ZBTB40: variants seen among roughly 807,000 people sequenced by gnomAD.
ZBTB40 encodes the protein zinc finger and BTB domain containing 40.
A neutral mutation model predicts 117.5 loss-of-function variants in ZBTB40; 60 were observed. The ratio of observed to expected loss-of-function variants is 0.51; its 90% CI spans 0.41 to 0.63. ZBTB40 has a LOEUF of 0.63. Ranked by LOEUF, ZBTB40 falls within the 30% of genes least tolerant of loss-of-function variation. The pLI, the probability that ZBTB40 is intolerant of heterozygous loss-of-function variation, is 0.00. For synonymous variants in ZBTB40, 525 were observed against 577.1 expected, an observed-to-expected ratio of 0.91 and a Z score of 1.29; for missense variants, 1,287 against 1,498.5, an observed-to-expected ratio of 0.86 and a Z score of 2.33.
At chr1:22,501,360 A>C in intron 3 of ZBTB40, 132 bp from the exon 4 acceptor site, 1 of 925,326 alleles carries the variant, frequency 1.1e-6, no homozygotes, top group South Asian at 1.4e-5. Flanking sequence ...TGGGGAAGAA[A>C]GTGCAGTGGG....
chr1:22,511,609 T>TA, intron 10 of ZBTB40, 67 bp from the exon 11 acceptor site: 1 of 1,547,042 alleles, frequency 6.5e-7, no homozygotes, highest in East Asian at 2.3e-5. Flanking sequence ...AGAAGTGTGT[T>TA]AGAAACGTTA....
rs138187108 is a variant in ZBTB40, at chr1:22,491,494, A to G, written c.792A>G (p.Lys264=). The G allele has an allele frequency of 7.7e-5, 125 of 1,613,970 alleles. No homozygotes were observed. Among genetic ancestry groups the G allele is most frequent in the Non-Finnish European group, 1.0e-4 (118 of 1,179,986 alleles). The change falls in exon 3 of 18, where the codon AAA becomes AAG. Residue 264 remains lysine, a synonymous_variant. Transcript: ENST00000375647. The part of the protein sequence containing the change: ...ALMVTQDVLK[K]LEMCSEIKGP... ...TGGTTACCCAGGATGTTTTAAAAAA[A>G]CTAGAAATGTGTTCAGAAATTAAAG...
At chr1:22,522,267 A>G (rs542671632) in intron 15 of ZBTB40, 110 bp from the exon 16 acceptor site, 1 of 985,556 alleles carries the variant, frequency 1.0e-6, no homozygotes, top group African/African-American at 1.6e-5. Flanking sequence ...CACTTGGTAG[A>G]TGCTTGCTAA....
chr1:22,501,736 G>A (rs764702323), intron 4 of ZBTB40, 52 bp downstream of exon 4: 36 of 1,577,066 alleles, frequency 2.3e-5, no homozygotes, highest in Non-Finnish European at 3.1e-5. Context: ...TTGGGATGAT[G>A]CTATGAAGTT....
intron 13 of ZBTB40, among the ~76,000 whole-genome samples, chr1:22,518,044 A>G (rs1639422452): frequency 6.6e-6 from 1 of 152,226 alleles, no homozygotes; most frequent in Admixed American, 6.5e-5. Flanking sequence ...GCACACACAC[A>G]TATATATACA....
chr1:22,445,938 G>A (rs1640784342), intron 1 of ZBTB40, among the ~76,000 whole-genome samples: 1 of 151,732 alleles, frequency 6.6e-6, no homozygotes, highest in Non-Finnish European at 1.5e-5. Context: ...ATCAGAACCA[G>A]CCCCACTGGG....
intron 1 of ZBTB40, among the ~76,000 whole-genome samples, chr1:22,436,368 C>T (rs1056830008): frequency 3.3e-5 from 5 of 151,924 alleles, no homozygotes; most frequent in South Asian, 4.2e-4. Context: ...AAAAATTAGC[C>T]GGGTGTGGTG....
intron 1 of ZBTB40, among the ~76,000 whole-genome samples, chr1:22,472,596 T>C (rs181145152): frequency 7.2e-5 from 11 of 152,190 alleles, no homozygotes; most frequent in East Asian, 5.8e-4. Flanking sequence ...GGGAGAGAAG[T>C]AGAGGTGTTT....
intron 3 of ZBTB40, among the ~76,000 whole-genome samples, chr1:22,492,128 CAA>C (rs1638647104): frequency 6.6e-6 from 1 of 152,124 alleles, no homozygotes; most frequent in African/African-American, 2.4e-5. Flanking sequence ...AAAACTGTCT[CAA>C]AGAGGTGGTG....
intron 14 of ZBTB40, 37 bp downstream of exon 14, chr1:22,520,312 C>A: frequency 6.5e-7 from 1 of 1,539,272 alleles, no homozygotes; most frequent in South Asian, 1.1e-5. Flanking sequence ...TTCCCCTCAC[C>A]CCTGACCTAC....
At chr1:22,498,003 A>C (rs1343711278) in intron 3 of ZBTB40, among the ~76,000 whole-genome samples, 3 of 152,338 alleles carry the variant, frequency 2.0e-5, no homozygotes, top group African/African-American at 7.2e-5. Context: ...ATCTGAAGGC[A>C]GTACACGAAC....
chr1:22,520,926 T>G (rs1453800280), intron 14 of ZBTB40, among the ~76,000 whole-genome samples: 1 of 152,228 alleles, frequency 6.6e-6, no homozygotes, highest in Non-Finnish European at 1.5e-5. Context: ...AACGGAGACC[T>G]GGGCTTGAGC....
intron 16 of ZBTB40, 57 bp downstream of exon 16, chr1:22,522,520 C>G: frequency 1.3e-6 from 2 of 1,541,242 alleles, no homozygotes; most frequent in Non-Finnish European, 1.8e-6. Flanking sequence ...ATCTCCCCTC[C>G]ACCACTTGCA....
intron 1 of ZBTB40, among the ~76,000 whole-genome samples, chr1:22,480,653 T>C (rs1638277778): frequency 6.6e-6 from 1 of 152,172 alleles, no homozygotes; most frequent in African/African-American, 2.4e-5. Context: ...CCCTGCCCTT[T>C]TCTGTGTTTT....
chr1:22,449,206 G>C (rs1640826719), upstream of ZBTB40, among the ~76,000 whole-genome samples: 1 of 152,150 alleles, frequency 6.6e-6, no homozygotes, highest in Non-Finnish European at 1.5e-5. Flanking sequence ...TGGCAGTTTA[G>C]CAGAGGCACC....
intron 3 of ZBTB40, among the ~76,000 whole-genome samples, chr1:22,495,726 G>C (rs1026464354): frequency 1.3e-5 from 2 of 152,114 alleles, no homozygotes; most frequent in African/African-American, 4.8e-5. Flanking sequence ...TGTTCAGGCT[G>C]GTCTCGAACT....
intron 1 of ZBTB40, among the ~76,000 whole-genome samples, chr1:22,433,212 T>C (rs1395436009): frequency 1.3e-5 from 2 of 151,724 alleles, no homozygotes; most frequent in African/African-American, 2.4e-5. Context: ...GGCAGGTGGA[T>C]CACGAGGTCA....
chr1:22,478,037 T>C (rs762565436), intron 1 of ZBTB40, among the ~76,000 whole-genome samples: 1 of 152,242 alleles, frequency 6.6e-6, no homozygotes, highest in Non-Finnish European at 1.5e-5. Flanking sequence ...AAAGGTGTTA[T>C]TTTGTCGTCC....
intron 1 of ZBTB40, among the ~76,000 whole-genome samples, chr1:22,440,622 C>T (rs758437506): frequency 1.1e-4 from 16 of 151,554 alleles, no homozygotes; most frequent in Non-Finnish European, 1.9e-4. Context: ...TTATATATGG[C>T]TTTTATTGTG....
Sources: gnomAD v4.1 joint callset for allele counts (sites outside exome capture counted in the v4.1 genomes callset) on GRCh38, gnomAD v4.1.1 for gene constraint, MANE v1.5 for transcripts, NCBI Gene and HGNC (gene_info 2026-07-23, HGNC 2026-07-21) for gene names.